The following ELN variants were observed in gnomAD, a reference collection of about 807,000 sequenced individuals.
The protein encoded by ELN is elastin.
Under a neutral mutation model 105.8 loss-of-function variants are expected in ELN, and 65 were observed. The observed-to-expected ratio is 0.61, with a 90% confidence interval of 0.50 to 0.75. The LOEUF (loss-of-function observed/expected upper bound fraction) is 0.75, where lower values mean the gene tolerates loss of function less well. Ranked by LOEUF, ELN falls within the 30% of genes least tolerant of loss-of-function variation. The pLI is 0.00. For synonymous variants in ELN, 368 were observed against 389.2 expected (o/e 0.95, Z 0.64); for missense variants, 882 against 969.4 (o/e 0.91, Z 1.20).
intron 5 of ELN, 133 bp from the exon 6 acceptor site, chr7:74,042,481 G>T: frequency 1.4e-6 from 1 of 737,990 alleles, no homozygotes; most frequent in South Asian, 1.7e-5. Flanking sequence ...TGTCCTGCAG[G>T]CATTGATGTC....
Position 74,059,969 on chromosome 7 carries a change from G to A in ELN, c.1498G>A (p.Gly500Arg). Residue 500 changes from glycine to arginine, a missense_variant, in exon 23 of 33, where the codon GGA becomes AGA. Transcript: ENST00000252034. ...GVAPGVGLAP[G>R]VGVAPGVGVA... ...GGCTCCTGGAGTTGGCTTGGCTCCT[G>A]GAGTTGGCGTGGCTCCTGGAGTTGG... The A allele has an allele frequency of 6.2e-7, 1 of 1,613,764 alleles. No individual in the cohort carries two copies. Among genetic ancestry groups the A allele is most frequent in the Non-Finnish European group, 8.5e-7 (1 of 1,179,828 alleles).
chr7:74,065,447 C>T (rs1797721709), intron 29 of ELN, among the ~76,000 whole-genome samples: 2 of 151,836 alleles, frequency 1.3e-5, no homozygotes, highest in South Asian at 2.1e-4. Flanking sequence ...AAACCTGTCT[C>T]TACTAAAAAT....
chr7:74,030,305 A>C (rs1554661457), intron 1 of ELN, among the ~76,000 whole-genome samples: 1 of 152,088 alleles, frequency 6.6e-6, no homozygotes, highest in Non-Finnish European at 1.5e-5. Context: ...GGAGGGTGTC[A>C]CTTATGCAAG....
At chr7:74,029,447 A>G (rs557120499) in intron 1 of ELN, among the ~76,000 whole-genome samples, 4 of 152,070 alleles carry the variant, frequency 2.6e-5, no homozygotes, top group African/African-American at 9.6e-5. Flanking sequence ...CGGGCATGGG[A>G]AAAAGGAGGG....
At chr7:74,033,525 G>A (rs529984236) in intron 1 of ELN, among the ~76,000 whole-genome samples, 2 of 152,198 alleles carry the variant, frequency 1.3e-5, no homozygotes, top group South Asian at 2.1e-4. Flanking sequence ...CCACCACTCC[G>A]AGCCTTGAGG....
intron 1 of ELN, among the ~76,000 whole-genome samples, chr7:74,031,860 AGAAGGAAG>A (rs60029188): frequency 0.035 from 3,753 of 107,184 alleles, 57 homozygotes; most frequent in African/African-American, 0.039. Context: ...AAGGAAGGAA[AGAAGGAAG>A]GAAGGAAGGA....
chr7:74,050,797 G>A (rs1271026772), intron 15 of ELN, among the ~76,000 whole-genome samples: 2 of 152,052 alleles, frequency 1.3e-5, no homozygotes, highest in African/African-American at 4.8e-5. Flanking sequence ...TTTTCTACCT[G>A]AGGAAAGTTA....
At chr7:74,052,025 T>G (rs1447223708) in intron 17 of ELN, 42 bp downstream of exon 17, 2 of 1,609,762 alleles carry the variant, frequency 1.2e-6, no homozygotes, top group Non-Finnish European at 1.7e-6. Flanking sequence ...CTCGGGCCCC[T>G]GCATAGACCT....
intron 3 of ELN, among the ~76,000 whole-genome samples, chr7:74,036,787 C>A (rs1318737931): frequency 2.0e-5 from 3 of 152,170 alleles, no homozygotes; most frequent in Non-Finnish European, 2.9e-5. Flanking sequence ...GACTTTATGT[C>A]TGGTGCCCTC....
intron 9 of ELN, 136 bp from the exon 10 acceptor site, chr7:74,045,086 A>G: frequency 1.1e-6 from 1 of 931,910 alleles, no homozygotes; most frequent in South Asian, 1.3e-5. Flanking sequence ...TCCTTTCTCC[A>G]CCCACCCCGT....
chr7:74,063,623 C>T lies in ELN; in HGVS notation c.1921C>T (p.Leu641=), dbSNP rs1241099492. The T allele has an allele frequency of 6.2e-7, 1 of 1,614,200 alleles. No individual in the cohort carries two copies. Among genetic ancestry groups the T allele is most frequent in the Non-Finnish European group, 8.5e-7 (1 of 1,180,034 alleles). ...CTAATGCTCAGCTGTCTCCACAGGC[C>T]TAGTGGGAGCCGCTGGGCTCGGAGG... ...KAAAKAAQFG[L]VGAAGLGGLG... is the part of the protein sequence containing the mutation. The change falls in exon 29 of 33, where the codon CTA becomes TTA. Residue 641 remains leucine (L), a splice_region_variant and synonymous_variant. Coordinates refer to ENST00000252034, the MANE Select transcript of ELN (RefSeq NM_000501.4). The surrounding 1 kb of genome is among the most constrained non-coding windows in gnomAD (Gnocchi z 4.1).
chr7:74,056,171 G>A, intron 19 of ELN, 100 bp from the exon 20 acceptor site: 10 of 1,510,136 alleles, frequency 6.6e-6, no homozygotes, highest in Non-Finnish European at 8.3e-6. Context: ...AAGGCCTGGG[G>A]GAAATTTACA....
Position 74,056,351 on chromosome 7 carries a change from G to C in ELN, c.1231G>C (p.Val411Leu). 6.2e-7 allele frequency: 1 copy of C among 1,613,560 alleles called. No individual in the cohort carries two copies. Residue 411 changes from valine to leucine, a missense_variant, in exon 20 of 33, where the codon GTC becomes CTC. Physicochemically the swap from Val to Leu is conservative, Grantham distance 32 (BLOSUM62 1). Coordinates refer to ENST00000252034, the MANE Select transcript of ELN (RefSeq NM_000501.4). ...GGGCTTTCCCGGCTTTGGTGTCGGA[G>C]TCGGAGGTATCCCTGGAGTCGCAGG... The part of the protein sequence containing the change: ...AGGFPGFGVG[V>L]GGIPGVAGVP...
Position 74,068,863 on chromosome 7 carries a change from G to A in ELN, c.*163G>A. On this transcript the variant is annotated 3_prime_UTR_variant, in exon 33 of 33. Coordinates refer to ENST00000252034, the MANE Select transcript of ELN (RefSeq NM_000501.4). ...GCAGATCCACAGGGCAAGGAAACAA[G>A]AGGGGAGCGGCCAAGTGCCCCGACC... is the stretch of plus-strand genomic sequence containing the variant. 5 of 840,298 alleles carry A rather than the reference G, an allele frequency of 6.0e-6. No homozygotes were observed. The highest frequency in any genetic ancestry group is 9.8e-6 in the Non-Finnish European group (5 of 512,576). 52.1% of individuals were successfully genotyped at this position (840,298 alleles called of 1,614,324 possible). A position where few individuals can be genotyped will look rare whatever the true frequency, so the allele number is the denominator to read the frequency against.
chr7:74,066,050 G>A, intron 31 of ELN, 53 bp downstream of exon 31: 1 of 1,612,836 alleles, frequency 6.2e-7, no homozygotes, highest in Non-Finnish European at 8.5e-7. Flanking sequence ...CGATCTAGAG[G>A]GGGCCTGTCC....
Position 74,069,248 on chromosome 7 carries a change from G to C in ELN, c.*548G>C, listed in dbSNP as rs117454480. ...TCCACTTGGCCGTCTCCTCCCCACC[G>C]ATCGCTGTTCCCCACATCTGGGGCG... is the stretch of plus-strand genomic sequence containing the variant. On this transcript the variant is annotated 3_prime_UTR_variant, in exon 33 of 33. Transcript: ENST00000252034. The C allele has an allele frequency of 4.1e-6, 1 of 241,578 alleles. No individual in the cohort carries two copies. Among genetic ancestry groups the C allele is most frequent in the Non-Finnish European group, 8.2e-6 (1 of 122,590 alleles). The allele number at this position is 241,578 out of a possible 1,614,324, so 15.0% of individuals were successfully genotyped here. A position where few individuals can be genotyped will look rare whatever the true frequency, so the allele number is the denominator to read the frequency against.
chr7:74,030,724 G>A (rs114808031), intron 1 of ELN, among the ~76,000 whole-genome samples: 4 of 151,858 alleles, frequency 2.6e-5, no homozygotes, highest in African/African-American at 4.8e-5. Context: ...ATTGTTTTCC[G>A]TCCTTAAGTA....
intron 1 of ELN, among the ~76,000 whole-genome samples, chr7:74,029,442 A>T (rs1267596528): frequency 6.6e-6 from 1 of 151,552 alleles, no homozygotes; most frequent in African/African-American, 2.4e-5. Context: ...GCTCCCGGGC[A>T]TGGGAAAAAG....
chr7:74,046,476 A>G (rs782762276), intron 11 of ELN, among the ~76,000 whole-genome samples: 11 of 152,374 alleles, frequency 7.2e-5, no homozygotes, highest in Non-Finnish European at 1.6e-4. Flanking sequence ...ACTGGGGCCC[A>G]GGCCCCAGGA....
Sources: gnomAD v4.1 joint callset for allele counts (sites outside exome capture counted in the v4.1 genomes callset) on GRCh38, gnomAD v4.1.1 for gene constraint, Gnocchi (gnomAD v3.1) non-coding constraint, MANE v1.5 for transcripts, NCBI Gene and HGNC (gene_info 2026-07-23, HGNC 2026-07-21) for gene names.